Variants in LIPA observed in about 807,000 individuals in gnomAD.
LIPA encodes lysosomal acid lipase/cholesteryl ester hydrolase.
A neutral mutation model predicts 40.6 loss-of-function variants in LIPA; 26 were observed. The ratio of observed to expected loss-of-function variants is 0.64; its 90% CI spans 0.47 to 0.89. LIPA has a LOEUF of 0.89. Among genes scored for constraint, LIPA ranks in the 40% least tolerant of loss-of-function variants. The pLI is 0.00. For synonymous variants in LIPA, 188 were observed against 168.4 expected (o/e 1.12, Z -0.90); for missense variants, 455 against 479.6 (o/e 0.95, Z 0.48).
chr10:89,414,341 A>G (rs1307628935), intron 1 of LIPA: 1 of 156,068 alleles, frequency 6.4e-6, no homozygotes, highest in African/African-American at 2.5e-5. Flanking sequence ...ACACAGTGAG[A>G]CGCTATCTCA....
At chr10:89,243,378 C>T (rs1842985551) in intron 3 of LIPA, among the ~76,000 whole-genome samples, 1 of 152,146 alleles carries the variant, frequency 6.6e-6, no homozygotes, top group Non-Finnish European at 1.5e-5. Context: ...TAGCTCATAG[C>T]AGGTATGACA....
At position 89,306,463 on chromosome 10, in the gene LIPA, A is replaced by G. The variant is rs76066326; in HGVS notation, c.-2+36148T>C. 811 of 1,614,148 alleles carry G rather than the reference A, an allele frequency of 5.0e-4. 1 individual carries two copies. The highest frequency in any genetic ancestry group is 5.3e-4 in the Non-Finnish European group (623 of 1,179,994). On this transcript the variant is annotated intron_variant, in intron 1 of 5. Transcript: ENST00000282673. ...TTGAGAAGGCTCTGGAAAAGAAGCC[A>G]AAGAACCCAGAATTCACCTCTGGAC...
intron 1 of LIPA, among the ~76,000 whole-genome samples, chr10:89,249,482 T>C (rs1843082828): frequency 6.6e-6 from 1 of 152,194 alleles, no homozygotes; most frequent in South Asian, 2.1e-4. Context: ...TTGGGTGTAA[T>C]AGACAAAAAC....
At chr10:89,392,219 G>C (rs1454152682) in intron 2 of LIPA, among the ~76,000 whole-genome samples, 4 of 152,174 alleles carry the variant, frequency 2.6e-5, no homozygotes, top group African/African-American at 9.7e-5. Flanking sequence ...TTTTATATTT[G>C]ATAGTAGGTT....
intron 1 of LIPA, among the ~76,000 whole-genome samples, chr10:89,342,129 A>C (rs1233019119): frequency 6.6e-6 from 1 of 152,262 alleles, no homozygotes; most frequent in African/African-American, 2.4e-5. Flanking sequence ...GGGTAACTGC[A>C]GCTAATGAAT....
chr10:89,323,810 A>C (rs1843583508), intron 1 of LIPA, among the ~76,000 whole-genome samples: 1 of 152,206 alleles, frequency 6.6e-6, no homozygotes, highest in Admixed American at 6.5e-5. Context: ...GGAAATGCTC[A>C]TGGATAGGAA....
chr10:89,403,113 G>T, intron 2 of LIPA: 7 of 1,614,122 alleles, frequency 4.3e-6, no homozygotes, highest in Non-Finnish European at 5.9e-6. Context: ...GGCCTTGCAG[G>T]AAACACCCAC....
chr10:89,412,873 C>G (rs1223382754), exon 2 of LIPA: 3 of 294,550 alleles, frequency 1.0e-5, no homozygotes, highest in Non-Finnish European at 2.1e-5. Flanking sequence ...GTAGCACTCA[C>G]AGCGAGAGTC....
intron 2 of LIPA, chr10:89,384,835 T>C: frequency 8.9e-7 from 1 of 1,125,074 alleles, no homozygotes; most frequent in Admixed American, 2.4e-5. Flanking sequence ...AAATTTACCT[T>C]ATTTTGAGCC....
chr10:89,288,804 G>A (rs1843355065), intron 1 of LIPA, among the ~76,000 whole-genome samples: 1 of 152,114 alleles, frequency 6.6e-6, no homozygotes, highest in Non-Finnish European at 1.5e-5. Context: ...CCTCACTCTT[G>A]CAAAAGTACC....
intron 2 of LIPA, among the ~76,000 whole-genome samples, chr10:89,378,509 C>T (rs1477418739): frequency 6.6e-6 from 1 of 152,080 alleles, no homozygotes; most frequent in Non-Finnish European, 1.5e-5. Flanking sequence ...CTCAAGAGGC[C>T]TTTGGTGAAA....
chr10:89,228,146 C>T, intron 4 of LIPA, 54 bp downstream of exon 4: 7 of 1,485,144 alleles, frequency 4.7e-6, no homozygotes, highest in Non-Finnish European at 4.7e-6. Context: ...AGCCTGTTGT[C>T]TGCTTTAAGA....
At chr10:89,404,694 C>T (rs1045189462) in intron 2 of LIPA, 4 of 152,292 alleles carry the variant, frequency 2.6e-5, no homozygotes, top group Non-Finnish European at 5.9e-5. Flanking sequence ...GTGGCTCACG[C>T]CTGTAATCTC....
At chr10:89,328,134 G>A in intron 1 of LIPA, 1 of 1,563,590 alleles carries the variant, frequency 6.4e-7, no homozygotes, top group Non-Finnish European at 8.8e-7. Flanking sequence ...ATTGTAAGTT[G>A]AGTTTCTTAC....
At chr10:89,265,227 G>A (rs1477839781) in intron 1 of LIPA, among the ~76,000 whole-genome samples, 2 of 152,066 alleles carry the variant, frequency 1.3e-5, no homozygotes, top group Middle Eastern at 3.2e-3. Context: ...TGGGGAGTGG[G>A]GGCCATGGGG....
At chr10:89,336,835 T>C (rs1843749009) in intron 1 of LIPA, among the ~76,000 whole-genome samples, 1 of 152,194 alleles carries the variant, frequency 6.6e-6, no homozygotes, top group Non-Finnish European at 1.5e-5. Flanking sequence ...TTTCCAATCT[T>C]ATGGTGCCGT....
intron 2 of LIPA, among the ~76,000 whole-genome samples, chr10:89,359,815 TCACACACACA>T (rs61589202): frequency 2.1e-5 from 3 of 146,114 alleles, no homozygotes; most frequent in Non-Finnish European, 4.5e-5. Context: ...TCTCTCTCTC[TCACACACACA>T]CACACACACA....
chr10:89,307,513 T>G, intron 1 of LIPA: 1 of 697,156 alleles, frequency 1.4e-6, no homozygotes, highest in Non-Finnish European at 2.3e-6. Flanking sequence ...TGGACAGGGT[T>G]ATGTTAACAC....
At chr10:89,270,317 C>T (rs1843258937) in intron 1 of LIPA, among the ~76,000 whole-genome samples, 1 of 152,220 alleles carries the variant, frequency 6.6e-6, no homozygotes, top group Non-Finnish European at 1.5e-5. Context: ...CAAAACTTAT[C>T]ACTTCTCCAT....
Sources: allele counts gnomAD v4.1 joint callset (sites outside exome capture counted in the v4.1 genomes callset), GRCh38; gene constraint gnomAD v4.1.1; transcripts MANE v1.5; gene names NCBI Gene and HGNC (gene_info 2026-07-23, HGNC 2026-07-21).